VTI1A: variants seen among roughly 807,000 people sequenced by gnomAD.
VTI1A encodes the protein vesicle transport through interaction with t-SNAREs 1A.
A neutral mutation model predicts 34.9 loss-of-function variants in VTI1A; 22 were observed. That is an observed-to-expected ratio of 0.63 (90% confidence interval 0.45 to 0.90). The LOEUF (loss-of-function observed/expected upper bound fraction) is 0.90. Ranked by LOEUF, VTI1A falls within the 40% of genes least tolerant of loss-of-function variation. VTI1A has a pLI of 0.00. For synonymous variants in VTI1A, 87 were observed against 97.3 expected (o/e 0.89, Z 0.62); for missense variants, 268 against 275.6 (o/e 0.97, Z 0.20).
intron 5 of VTI1A, among the ~76,000 whole-genome samples, chr10:112,620,063 G>A (rs1160153474): frequency 6.6e-6 from 1 of 152,168 alleles, no homozygotes; most frequent in East Asian, 1.9e-4. Context: ...TGGAAATCCT[G>A]GTGACAGGTA....
chr10:112,462,704 T>A (rs901906472), intron 2 of VTI1A, among the ~76,000 whole-genome samples: 1 of 152,118 alleles, frequency 6.6e-6, no homozygotes. Flanking sequence ...AATTGAAAGG[T>A]GATTGTGTGG....
chr10:112,534,163 G>A (rs1440831709), intron 4 of VTI1A, among the ~76,000 whole-genome samples: 3 of 152,064 alleles, frequency 2.0e-5, no homozygotes, highest in Non-Finnish European at 2.9e-5. Flanking sequence ...TCATTTTTCT[G>A]AGTTTGCTGG....
chr10:112,533,216 T>C (rs1011138904), intron 4 of VTI1A, among the ~76,000 whole-genome samples: 3 of 152,092 alleles, frequency 2.0e-5, no homozygotes, highest in African/African-American at 7.2e-5. Context: ...TTGTTTTCTT[T>C]CTTTATAATA....
intron 7 of VTI1A, among the ~76,000 whole-genome samples, chr10:112,676,151 TTTC>T (rs1441402804): frequency 3.9e-5 from 6 of 152,176 alleles, no homozygotes; most frequent in African/African-American, 1.4e-4. Context: ...GTTTTTAAAT[TTTC>T]TTTTTCCATT....
chr10:112,806,134 C>T (rs889260503), intron 7 of VTI1A, among the ~76,000 whole-genome samples: 4 of 152,086 alleles, frequency 2.6e-5, no homozygotes, highest in Non-Finnish European at 5.9e-5. Flanking sequence ...ATCTCCCTGC[C>T]CATCAAAACT....
intron 4 of VTI1A, among the ~76,000 whole-genome samples, chr10:112,531,108 C>G (rs891747547): frequency 2.2e-5 from 3 of 138,546 alleles, no homozygotes; most frequent in Non-Finnish European, 3.1e-5. Flanking sequence ...CACACACGTG[C>G]GCACGTGCGC....
intron 7 of VTI1A, among the ~76,000 whole-genome samples, chr10:112,775,290 T>A (rs1851929681): frequency 6.6e-6 from 1 of 152,210 alleles, no homozygotes; most frequent in South Asian, 2.1e-4. Flanking sequence ...AAGAGCCTCA[T>A]CGATCTCTTA....
At chr10:112,618,510 T>TAG (rs1370121195) in intron 5 of VTI1A, among the ~76,000 whole-genome samples, 413 of 32,320 alleles carry the variant, frequency 0.013, 1 homozygote, top group Non-Finnish European at 0.016. Flanking sequence ...TATATATATA[T>TAG]ATATATATAT....
the VTI1A span, among the ~76,000 whole-genome samples, chr10:112,842,080 T>TG: frequency 4.7e-4 from 63 of 133,860 alleles, no homozygotes; most frequent in African/African-American, 1.7e-3. Flanking sequence ...TTTTTTTTTT[T>TG]GAGACGGAGT....
intron 7 of VTI1A, among the ~76,000 whole-genome samples, chr10:112,712,604 TAA>T (rs1418712553): frequency 6.6e-6 from 1 of 151,772 alleles, no homozygotes; most frequent in Non-Finnish European, 1.5e-5. Flanking sequence ...GGCGTGAAAC[TAA>T]GAGAGGCCTT....
intron 5 of VTI1A, among the ~76,000 whole-genome samples, chr10:112,589,357 C>T (rs889305117): frequency 2.6e-5 from 4 of 152,124 alleles, no homozygotes; most frequent in Non-Finnish European, 5.9e-5. Flanking sequence ...ACCCGTTTCA[C>T]TTGGCTCTCA....
chr10:112,484,724 A>T (rs1589818071), intron 3 of VTI1A, among the ~76,000 whole-genome samples: 2 of 152,104 alleles, frequency 1.3e-5, no homozygotes, highest in African/African-American at 4.8e-5. Context: ...TAGCTGTTCA[A>T]TAAGTGCCTG....
At chr10:112,529,654 A>G (rs1850356700) in intron 4 of VTI1A, among the ~76,000 whole-genome samples, 1 of 152,084 alleles carries the variant, frequency 6.6e-6, no homozygotes, top group Non-Finnish European at 1.5e-5. Flanking sequence ...TGGAATACTA[A>G]CTATATAAAT....
intron 3 of VTI1A, among the ~76,000 whole-genome samples, chr10:112,482,204 A>G (rs1232360892): frequency 6.6e-6 from 1 of 152,222 alleles, no homozygotes; most frequent in Non-Finnish European, 1.5e-5. Flanking sequence ...TTTTAACATA[A>G]TATATTGATG....
At chr10:112,784,113 G>GT (rs912164009) in intron 7 of VTI1A, among the ~76,000 whole-genome samples, 10 of 152,140 alleles carry the variant, frequency 6.6e-5, no homozygotes, top group Admixed American at 2.6e-4. Context: ...CTCTTCTCGT[G>GT]TTTTTTTATC....
chr10:112,639,224 TTC>T (rs550168656), intron 5 of VTI1A, among the ~76,000 whole-genome samples: 1 of 152,156 alleles, frequency 6.6e-6, no homozygotes, highest in African/African-American at 2.4e-5. Flanking sequence ...AATTAAAGCT[TTC>T]TCTTTTTATT....
chr10:112,564,939 A>G (rs1329095769), intron 5 of VTI1A, among the ~76,000 whole-genome samples: 3 of 152,122 alleles, frequency 2.0e-5, no homozygotes, highest in Non-Finnish European at 2.9e-5. Flanking sequence ...AAATATACAT[A>G]TACTTACATG....
intron 7 of VTI1A, among the ~76,000 whole-genome samples, chr10:112,756,058 C>G (rs1013721547): frequency 6.6e-6 from 1 of 151,656 alleles, no homozygotes; most frequent in Non-Finnish European, 1.5e-5. Context: ...AAAAAAACAG[C>G]GAGAAAAAGA....
At chr10:112,568,479 C>G (rs943922041) in intron 5 of VTI1A, among the ~76,000 whole-genome samples, 1 of 151,774 alleles carries the variant, frequency 6.6e-6, no homozygotes, top group South Asian at 2.1e-4. Flanking sequence ...TGCACTACAG[C>G]CTGGGCAAAA....
Sources: allele counts gnomAD v4.1 joint callset (sites outside exome capture counted in the v4.1 genomes callset), GRCh38; gene constraint gnomAD v4.1.1; transcripts MANE v1.5; gene names NCBI Gene and HGNC (gene_info 2026-07-23, HGNC 2026-07-21).